Variants in FCHSD2 observed in about 807,000 individuals in gnomAD.
FCHSD2 encodes the protein FCH and double SH3 domains 2.
FCHSD2 carries 38 observed loss-of-function variants against 108.1 expected under a neutral mutation model. That is an observed-to-expected ratio of 0.35 (90% confidence interval 0.27 to 0.46). FCHSD2 has a LOEUF of 0.46. Ranked by LOEUF, FCHSD2 falls within the 20% of genes least tolerant of loss-of-function variation. The pLI is 1.00. For missense variants in FCHSD2, 751 were observed against 897.8 expected (o/e 0.84, Z 2.09); for synonymous variants, 279 against 314.7 (o/e 0.89, Z 1.20).
intron 9 of FCHSD2, among the ~76,000 whole-genome samples, chr11:72,902,857 T>G (rs1459393217): frequency 1.3e-5 from 2 of 152,174 alleles, no homozygotes; most frequent in Non-Finnish European, 2.9e-5. Context: ...AAAGTGATAG[T>G]TTAGAAACTA....
intron 8 of FCHSD2, among the ~76,000 whole-genome samples, chr11:72,973,166 A>G (rs555773): frequency 0.049 from 7,523 of 152,184 alleles, 514 homozygotes; most frequent in African/African-American, 0.15. Context: ...TCAGGAGTTC[A>G]AGACCAGCCT....
chr11:73,107,309 A>G (rs913122027), intron 2 of FCHSD2, among the ~76,000 whole-genome samples: 14 of 152,100 alleles, frequency 9.2e-5, no homozygotes, highest in Non-Finnish European at 2.1e-4. Context: ...CGGCCTCCCA[A>G]AGTGCTGAGA....
intron 8 of FCHSD2, among the ~76,000 whole-genome samples, chr11:72,930,803 G>A (rs1322064915): frequency 6.6e-6 from 1 of 152,060 alleles, no homozygotes; most frequent in Non-Finnish European, 1.5e-5. Context: ...ATTTTTAAAG[G>A]GTAGTAGGGG....
intron 9 of FCHSD2, among the ~76,000 whole-genome samples, chr11:72,918,788 T>G (rs935109489): frequency 1.3e-5 from 2 of 152,188 alleles, no homozygotes; most frequent in African/African-American, 2.4e-5. Flanking sequence ...ACTTTGTTAT[T>G]AATTGGAAGG....
intron 13 of FCHSD2, among the ~76,000 whole-genome samples, chr11:72,865,300 C>A (rs1185053296): frequency 6.6e-6 from 1 of 152,132 alleles, no homozygotes; most frequent in Non-Finnish European, 1.5e-5. Context: ...TACTTAAAAG[C>A]AGATTAAATA....
At chr11:73,120,202 G>A (rs926215064) in intron 2 of FCHSD2, among the ~76,000 whole-genome samples, 16 of 151,998 alleles carry the variant, frequency 1.1e-4, no homozygotes, top group African/African-American at 3.9e-4. Flanking sequence ...TGAGATTTGG[G>A]TGGGGACACA....
chr11:72,916,930 T>G (rs1040465566), intron 9 of FCHSD2, among the ~76,000 whole-genome samples: 2 of 151,902 alleles, frequency 1.3e-5, no homozygotes, highest in Admixed American at 6.6e-5. Context: ...TGAGTTAATT[T>G]TGTGAGGTAA....
At chr11:72,885,892 T>G (rs1469703758) in intron 12 of FCHSD2, among the ~76,000 whole-genome samples, 1 of 152,146 alleles carries the variant, frequency 6.6e-6, no homozygotes, top group Non-Finnish European at 1.5e-5. Flanking sequence ...GGCTGTCAAT[T>G]AGACTGTGAA....
intron 3 of FCHSD2, among the ~76,000 whole-genome samples, chr11:73,046,761 T>A (rs1426096418): frequency 6.6e-6 from 1 of 152,200 alleles, no homozygotes; most frequent in Non-Finnish European, 1.5e-5. Context: ...ATTGATTGAT[T>A]GATTAAGACA....
At chr11:73,115,824 T>C (rs549083542) in intron 2 of FCHSD2, among the ~76,000 whole-genome samples, 20 of 152,340 alleles carry the variant, frequency 1.3e-4, no homozygotes, top group Admixed American at 4.6e-4. Flanking sequence ...GTGAGACATA[T>C]CCACATTATT....
At position 73,074,750 on chromosome 11, in the gene FCHSD2, A is replaced by G. The variant is rs954199043; in HGVS notation, c.165+8945T>C. 2.6e-5 allele frequency among the ~76,000 whole-genome samples: 4 copies of G among 152,326 alleles called. No individual in the cohort carries two copies. In the South Asian group the frequency reaches 6.2e-4, roughly 24 times the overall value. On this transcript the variant is annotated intron_variant, in intron 3 of 19. Transcript: ENST00000409418. ...AAGGAGTCAAATTTGGAACGTATAA[A>G]GAGATAGTAAAACTGGCCAGGCACA...
intron 2 of FCHSD2, among the ~76,000 whole-genome samples, chr11:73,116,090 A>G (rs891059104): frequency 2.0e-5 from 3 of 152,238 alleles, no homozygotes; most frequent in Non-Finnish European, 2.9e-5. Flanking sequence ...TTCAGATTGA[A>G]GACTTTCCTT....
At chr11:72,963,503 T>G (rs1240246052) in intron 8 of FCHSD2, among the ~76,000 whole-genome samples, 1 of 152,166 alleles carries the variant, frequency 6.6e-6, no homozygotes, top group Non-Finnish European at 1.5e-5. Flanking sequence ...AAACTTCTCT[T>G]CTTTAGCCAT....
intron 13 of FCHSD2, among the ~76,000 whole-genome samples, chr11:72,858,798 T>C (rs1295494774): frequency 2.0e-5 from 3 of 152,112 alleles, no homozygotes; most frequent in Non-Finnish European, 4.4e-5. Flanking sequence ...GCTAAAAATA[T>C]CAGGAAAATG....
chr11:73,057,750 C>G (rs1859060919), intron 3 of FCHSD2, among the ~76,000 whole-genome samples: 1 of 152,186 alleles, frequency 6.6e-6, no homozygotes, highest in Non-Finnish European at 1.5e-5. Flanking sequence ...GTCCCTAACC[C>G]TTTAAATCAG....
intron 12 of FCHSD2, among the ~76,000 whole-genome samples, chr11:72,878,965 C>G (rs1254581041): frequency 6.6e-6 from 1 of 151,972 alleles, no homozygotes; most frequent in African/African-American, 2.4e-5. Flanking sequence ...AAAAAATTAG[C>G]TGGTTTTGGT....
intron 9 of FCHSD2, among the ~76,000 whole-genome samples, chr11:72,916,022 C>T (rs1028864287): frequency 4.6e-5 from 7 of 152,026 alleles, no homozygotes; most frequent in Admixed American, 1.3e-4. Flanking sequence ...ATTATGAGAA[C>T]ACATGGGAAC....
intron 14 of FCHSD2, among the ~76,000 whole-genome samples, chr11:72,844,827 T>C (rs1861075851): frequency 6.6e-6 from 1 of 152,210 alleles, no homozygotes; most frequent in Non-Finnish European, 1.5e-5. Flanking sequence ...ATTTCCCATT[T>C]TATGAACATT....
chr11:72,918,302 T>C (rs1399986901), intron 9 of FCHSD2, among the ~76,000 whole-genome samples: 1 of 152,220 alleles, frequency 6.6e-6, no homozygotes, highest in East Asian at 1.9e-4. Flanking sequence ...TCTGAGAGTT[T>C]ATAAATATAA....
Sources: gnomAD v4.1 joint callset for allele counts (sites outside exome capture counted in the v4.1 genomes callset) on GRCh38, gnomAD v4.1.1 for gene constraint, MANE v1.5 for transcripts, NCBI Gene and HGNC (gene_info 2026-07-23, HGNC 2026-07-21) for gene names.